The following TINAGL1 variants were observed in gnomAD, a reference collection of about 807,000 sequenced individuals.
TINAGL1 encodes the protein tubulointerstitial nephritis antigen like 1.
A neutral mutation model predicts 62.0 loss-of-function variants in TINAGL1; 34 were observed. That is an observed-to-expected ratio of 0.55 (90% CI 0.42 to 0.73). TINAGL1 has a LOEUF of 0.73. TINAGL1 is among the 30% of genes least tolerant of loss of function. TINAGL1 has a pLI of 0.00. For synonymous variants in TINAGL1, 221 were observed against 249.7 expected, an observed-to-expected ratio of 0.88 and a Z score of 1.08; for missense variants, 516 against 653.2, an observed-to-expected ratio of 0.79 and a Z score of 2.29.
In TINAGL1 at chr1:31,579,234, T is replaced by A. The variant is rs1041185011; in HGVS notation, c.341T>A (p.Val114Asp). The A allele has an allele frequency of 6.2e-7, 1 of 1,614,006 alleles. No homozygotes were observed. The highest frequency in any genetic ancestry group is 1.3e-5 in the African/African-American group (1 of 74,924). Residue 114 changes from valine to aspartate, a missense_variant, in exon 3 of 12, where the codon GTC (valine) becomes GAC (aspartate). Val to Asp is a radical substitution (Grantham distance 152, BLOSUM62 -3). Transcript: ENST00000271064. The part of the protein sequence containing the change: ...GCMHGGRIYP[V>D]LGTYWDNCNR... ...ATGCATGGAGGTCGTATCTATCCAG[T>A]CTTGGGAACGTACTGGGACAACTGT...
At position 31,577,619 on chromosome 1, in the gene TINAGL1, T is replaced by C. The variant is rs1006692748; in HGVS notation, c.310+161T>C. 1.8e-5 allele frequency: 14 copies of C among 768,946 alleles called. No individual in the cohort carries two copies. The highest frequency in any genetic ancestry group is 2.8e-5 in the Non-Finnish European group (14 of 497,086). 47.6% of individuals were successfully genotyped at this position (768,946 alleles called of 1,614,324 possible). On this transcript the variant is annotated intron_variant, in intron 2 of 11. Coordinates refer to ENST00000271064, the MANE Select transcript of TINAGL1 (RefSeq NM_022164.3). The surrounding 1 kb of genome is among the most constrained non-coding windows in gnomAD (Gnocchi z 5.4). The stretch of plus-strand genomic sequence containing the variant: ...TGGGAACTTTACTCTCCAGCAAGAC[T>C]GAAGAAGCTCCTTGGTTAGAATTCT...
Position 31,576,958 on chromosome 1 carries a change from C to G in TINAGL1, c.-15-176C>G, listed in dbSNP as rs1570184551. 1 of 575,776 alleles carries G rather than the reference C, an allele frequency of 1.7e-6. No homozygotes were observed. Among genetic ancestry groups the G allele is most frequent in the East Asian group, 3.0e-5 (1 of 33,726 alleles). 35.7% of individuals were successfully genotyped at this position (575,776 alleles called of 1,614,324 possible). On this transcript the variant is annotated intron_variant, in intron 1 of 11. Transcript: ENST00000271064. This position sits in a 1 kb window ranked among gnomAD's most constrained non-coding sequence, Gnocchi z 5.1. The stretch of plus-strand genomic sequence containing the variant: ...GGCTCCGTTTCTGCCCAGTCCCCAT[C>G]CCCCTATAGCCAGGGCCCACACACT...
chr1:31,577,918 T>C lies in TINAGL1; in HGVS notation c.310+460T>C, dbSNP rs1270683903. Among the ~76,000 whole-genome samples, 1 of 152,188 alleles carries C rather than the reference T, an allele frequency of 6.6e-6. No individual in the cohort carries two copies. The highest frequency in any genetic ancestry group is 2.4e-5 in the African/African-American group (1 of 41,446). ...TTTCCATGCACTTGCCCCTGTCCAATAGGAGAATCACTTGCGTTCCTTCCC... is the reference window on the plus strand; with the variant it reads ...TTTCCATGCACTTGCCCCTGTCCAACAGGAGAATCACTTGCGTTCCTTCCC... On this transcript the variant is annotated intron_variant, in intron 2 of 11. Coordinates refer to ENST00000271064, the MANE Select transcript of TINAGL1 (RefSeq NM_022164.3). The surrounding 1 kb of genome is among the most constrained non-coding windows in gnomAD (Gnocchi z 5.4).
chr1:31,580,443 G>A, intron 3 of TINAGL1: 10 of 1,289,308 alleles, frequency 7.8e-6, no homozygotes, highest in South Asian at 7.4e-5. Context: ...GAGTGTCCAG[G>A]GTGTCAGAGC....
At chr1:31,579,107 C>T (rs537423185) in intron 2 of TINAGL1, 97 bp from the exon 3 acceptor site, 3 of 837,192 alleles carry the variant, frequency 3.6e-6, no homozygotes, top group African/African-American at 3.3e-5. Context: ...GAGAGAGAAT[C>T]TTGGAAAGGT....
chr1:31,586,609 T>C, intron 10 of TINAGL1, 101 bp from the exon 11 acceptor site: 5 of 1,433,668 alleles, frequency 3.5e-6, no homozygotes, highest in Non-Finnish European at 4.8e-6. Flanking sequence ...TACCCAACCC[T>C]CCAAAGGCAA....
chr1:31,577,466 CT>C lies in TINAGL1; in HGVS notation c.310+9del. ...CTTTTCCCCCGATCCAAGGTGGGCA[CT>C]AAGATGGCCAGGAGGGTGGGTCACT... On this transcript the variant is annotated intron_variant, in intron 2 of 11. Transcript: ENST00000271064. The surrounding 1 kb of genome is among the most constrained non-coding windows in gnomAD (Gnocchi z 5.4). 6.2e-7 allele frequency: 1 copy of C among 1,600,514 alleles called. No individual in the cohort carries two copies. The highest frequency in any genetic ancestry group is 2.2e-5 in the East Asian group (1 of 44,762).
intron 2 of TINAGL1, chr1:31,578,035 T>A: frequency 2.5e-6 from 1 of 399,742 alleles, no homozygotes; most frequent in South Asian, 1.0e-4. Flanking sequence ...TTACCTTCTC[T>A]GGGCCTTGGC....
Position 31,585,584 on chromosome 1 carries a change from C to A in TINAGL1, c.1093+99C>A. The A allele has an allele frequency of 1.3e-6, 2 of 1,557,320 alleles. No individual in the cohort carries two copies. The highest frequency in any genetic ancestry group is 1.2e-5 in the South Asian group (1 of 83,234). On this transcript the variant is annotated intron_variant, in intron 9 of 11. Coordinates refer to ENST00000271064, the MANE Select transcript of TINAGL1 (RefSeq NM_022164.3). This position sits in a 1 kb window ranked among gnomAD's most constrained non-coding sequence, Gnocchi z 4.3. The stretch of plus-strand genomic sequence containing the variant: ...GCCTGCACAGCATTCAGCAGCATGT[C>A]CAGTAGGGCCAGGAGTAGGGGTCCC...
chr1:31,579,138 G>A, intron 2 of TINAGL1, 66 bp from the exon 3 acceptor site: 1 of 1,323,786 alleles, frequency 7.6e-7, no homozygotes, highest in South Asian at 1.2e-5. Flanking sequence ...TGACCTCCAA[G>A]GACCTGGCCA....
chr1:31,577,007 C>T lies in TINAGL1; in HGVS notation c.-15-127C>T, dbSNP rs1394068103. ...CTGGGGCTCCTCTGCCCGTGTCCTG[C>T]CTGGGGACTCAGGAATCGGGATCTC... On this transcript the variant is annotated intron_variant, in intron 1 of 11. Coordinates refer to ENST00000271064, the MANE Select transcript of TINAGL1 (RefSeq NM_022164.3). The surrounding 1 kb of genome is among the most constrained non-coding windows in gnomAD (Gnocchi z 5.4). 1.2e-6 allele frequency: 1 copy of T among 860,102 alleles called. No individual in the cohort carries two copies. Among genetic ancestry groups the T allele is most frequent in the Non-Finnish European group, 1.7e-6 (1 of 581,870 alleles). The allele number at this position is 860,102 out of a possible 1,614,324, so 53.3% of individuals were successfully genotyped here. A position where few individuals can be genotyped will look rare whatever the true frequency, so the allele number is the denominator to read the frequency against.
rs921813872 is a variant in TINAGL1 at position 31,577,773 on chromosome 1, G to C, written c.310+315G>C. 1.3e-5 allele frequency: 4 copies of C among 308,990 alleles called. No homozygotes were observed. The highest frequency in any genetic ancestry group is 4.5e-5 in the Admixed American group (1 of 21,980). The allele number at this position is 308,990 out of a possible 1,614,324, so 19.1% of individuals were successfully genotyped here. ...GATAAGGCACATATGGGTTGGTGAG[G>C]GTCATCTTAGCCATTTTTCTGCCTT... On this transcript the variant is annotated intron_variant, in intron 2 of 11. Coordinates refer to ENST00000271064, the MANE Select transcript of TINAGL1 (RefSeq NM_022164.3). This position sits in a 1 kb window ranked among gnomAD's most constrained non-coding sequence, Gnocchi z 5.4.
rs1639006288 is a variant in TINAGL1, at chr1:31,577,313, C to T, written c.165C>T (p.Cys55=). The change falls in exon 2 of 12, where the codon TGC becomes TGT. Residue 55 remains cysteine, a synonymous_variant. Transcript: ENST00000271064. This position sits in a 1 kb window ranked among gnomAD's most constrained non-coding sequence, Gnocchi z 5.4. ...ACTGCCAGGAGCAGGACCTGTGCTG[C>T]CGCGGCCGTGCCGACGACTGTGCCC... ...GRYCQEQDLC[C]RGRADDCALP... is the part of the protein sequence containing the mutation. 2.5e-6 allele frequency: 4 copies of T among 1,613,696 alleles called. No homozygotes were observed. Among genetic ancestry groups the T allele is most frequent in the Non-Finnish European group, 3.4e-6 (4 of 1,179,978 alleles).
Position 31,577,127 on chromosome 1 carries a change from C to T in TINAGL1, c.-15-7C>T, listed in dbSNP as rs769506254. 2 of 1,468,308 alleles carry T rather than the reference C, an allele frequency of 1.4e-6. No homozygotes were observed. Among genetic ancestry groups the T allele is most frequent in the African/African-American group, 1.4e-5 (1 of 71,170 alleles). 91.0% of individuals were successfully genotyped at this position (1,468,308 alleles called of 1,614,324 possible). A position where few individuals can be genotyped will look rare whatever the true frequency, so the allele number is the denominator to read the frequency against. ...AGTCTCTGCTGCCCACCATCTCTGC[C>T]CCCCAGGGCCCAGGAGCCACCATGT... is the stretch of plus-strand genomic sequence containing the variant. On this transcript the variant is annotated splice_polypyrimidine_tract_variant and splice_region_variant and intron_variant, in intron 1 of 11. Coordinates refer to ENST00000271064, the MANE Select transcript of TINAGL1 (RefSeq NM_022164.3). This position sits in a 1 kb window ranked among gnomAD's most constrained non-coding sequence, Gnocchi z 5.4.
intron 2 of TINAGL1, among the ~76,000 whole-genome samples, chr1:31,578,473 T>C (rs1386468662): frequency 6.9e-6 from 1 of 144,402 alleles, no homozygotes; most frequent in East Asian, 2.1e-4. Flanking sequence ...TCTTCAGTTA[T>C]AGTTTAATTT....
chr1:31,580,162 GCTCTCTCTCTCT>G lies in TINAGL1; in HGVS notation c.374+934_374+945del, dbSNP rs761677862. The G allele has an allele frequency of 9.5e-3, 4,503 of 473,076 alleles. 36 individuals carry two copies. Among genetic ancestry groups the G allele is most frequent in the East Asian group, 0.042 (479 of 11,320 alleles). 29.3% of individuals were successfully genotyped at this position (473,076 alleles called of 1,614,324 possible). On this transcript the variant is annotated intron_variant, in intron 3 of 11. Transcript: ENST00000271064. Reference sequence around the variant, plus strand: ...GCTCTGGACGTTGAGGGGTTAATGCGCTCTCTCTCTCTCTCTCTCTCTCTCTCTCTCTCTCTC... The same window carrying G: ...GCTCTGGACGTTGAGGGGTTAATGCGCTCTCTCTCTCTCTCTCTCTCTCTC...
At chr1:31,580,197 CTCTCTCTCTCTCTCTG>C (rs1462880103) in intron 3 of TINAGL1, 286 of 437,486 alleles carry the variant, frequency 6.5e-4, no homozygotes, top group Admixed American at 3.8e-3. Context: ...CTCTCTCTCT[CTCTCTCTCTCTCTCTG>C]TCTCTCTCTC....
In TINAGL1 at chr1:31,583,546, T is replaced by G. The variant is rs1435800921; in HGVS notation, c.553T>G (p.Ser185Ala). The G allele has an allele frequency of 6.2e-7, 1 of 1,613,924 alleles. No individual in the cohort carries two copies. The highest frequency in any genetic ancestry group is 8.5e-7 in the Non-Finnish European group (1 of 1,179,992). Residue 185 changes from serine to alanine, a missense_variant, in exon 5 of 12, where the codon TCC becomes GCC. Ser to Ala is a moderately conservative substitution (Grantham distance 99). Coordinates refer to ENST00000271064, the MANE Select transcript of TINAGL1 (RefSeq NM_022164.3). The surrounding 1 kb of genome is among the most constrained non-coding windows in gnomAD (Gnocchi z 4.4). ...CCGCCTGGGCACCATCCGCCCATCT[T>G]CCTCGGTCATGAACATGCATGAAAT... ...RYRLGTIRPS[S>A]SVMNMHEIYT...
At position 31,577,748 on chromosome 1, in the gene TINAGL1, G is replaced by C. The variant is rs1206944399; in HGVS notation, c.310+290G>C. The C allele has an allele frequency of 4.8e-6, 2 of 417,092 alleles. No homozygotes were observed. The highest frequency in any genetic ancestry group is 4.1e-5 in the Admixed American group (1 of 24,344). The allele number at this position is 417,092 out of a possible 1,614,324, so 25.8% of individuals were successfully genotyped here. On this transcript the variant is annotated intron_variant, in intron 2 of 11. Transcript: ENST00000271064. This position sits in a 1 kb window ranked among gnomAD's most constrained non-coding sequence, Gnocchi z 5.4. ...GCACCTGCTGACTCACTCTTGGGCT[G>C]ATAAGGCACATATGGGTTGGTGAGG...
Sources: gnomAD v4.1 joint callset for allele counts (sites outside exome capture counted in the v4.1 genomes callset) on GRCh38, gnomAD v4.1.1 for gene constraint, Gnocchi (gnomAD v3.1) non-coding constraint, MANE v1.5 for transcripts, NCBI Gene and HGNC (gene_info 2026-07-23, HGNC 2026-07-21) for gene names.